The following ARMC9 variants were observed in gnomAD, a reference collection of about 807,000 sequenced individuals.
The protein encoded by ARMC9 is lisH domain-containing protein ARMC9.
In ARMC9, 94 loss-of-function variants were observed where a neutral mutation model predicts 107.0. That is an observed-to-expected ratio of 0.88 (90% CI 0.74 to 1.04). ARMC9 has a LOEUF of 1.04. ARMC9 is among the 50% of genes least tolerant of loss of function. The probability of loss-of-function intolerance (pLI) is 0.00; values close to 1 mark genes in which losing one functional copy is unlikely to be tolerated. For missense variants in ARMC9, 942 were observed against 1,030.1 expected, an observed-to-expected ratio of 0.91 and a Z score of 1.17; for synonymous variants, 380 against 396.9, an observed-to-expected ratio of 0.96 and a Z score of 0.51.
rs35433958 is a variant in ARMC9 at position 231,353,980 on chromosome 2, TACACACAC to T, written c.1995-1789_1995-1782del. 4.5e-3 allele frequency among the ~76,000 whole-genome samples: 609 copies of T among 135,372 alleles called. 5 individuals are homozygous for T. Among genetic ancestry groups the T allele is most frequent in the African/African-American group, 0.017 (535 of 32,048 alleles). 88.8% of individuals were successfully genotyped at this position (135,372 alleles called of 152,430 possible). A position where few individuals can be genotyped will look rare whatever the true frequency, so the allele number is the denominator to read the frequency against. On this transcript the variant is annotated intron_variant, in intron 21 of 24. Transcript: ENST00000611582. ...TAACAATGCAGCATATATGTATATA[TACACACAC>T]ACACACACACACACACACACACACA...
chr2:231,369,752 C>T (rs1031217536), intron 23 of ARMC9, among the ~76,000 whole-genome samples: 4 of 152,022 alleles, frequency 2.6e-5, no homozygotes, highest in African/African-American at 4.8e-5. Context: ...CGCCACCGCG[C>T]CCGGCTAATT....
At chr2:231,344,838 G>A (rs2044720587) in intron 20 of ARMC9, 137 bp from the exon 21 acceptor site, 1 of 913,206 alleles carries the variant, frequency 1.1e-6, no homozygotes, top group Non-Finnish European at 1.7e-6. Context: ...TGAATAATTT[G>A]TGACATGATC....
At chr2:231,222,557 A>T (rs2034251934) in intron 5 of ARMC9, among the ~76,000 whole-genome samples, 171 bp from the exon 6 acceptor site, 1 of 152,116 alleles carries the variant, frequency 6.6e-6, no homozygotes, top group African/African-American at 2.4e-5. Context: ...ATCTTCTGTA[A>T]ATGAGTTGGT....
intron 1 of ARMC9, among the ~76,000 whole-genome samples, chr2:231,205,014 A>T (rs2031747070): frequency 6.6e-6 from 1 of 152,024 alleles, no homozygotes; most frequent in Non-Finnish European, 1.5e-5. Context: ...TAGAAATTGG[A>T]TTGAAGTGGA....
intron 24 of ARMC9, chr2:231,370,971 C>G (rs890558492): frequency 4.4e-6 from 2 of 451,570 alleles, no homozygotes; most frequent in African/African-American, 4.0e-5. Flanking sequence ...GCTGGGGACA[C>G]GCTGGGTTGG....
intron 9 of ARMC9, among the ~76,000 whole-genome samples, chr2:231,247,500 G>A (rs954828809): frequency 5.9e-5 from 9 of 152,178 alleles, no homozygotes; most frequent in Non-Finnish European, 1.5e-5. Context: ...CCACATTGCT[G>A]CCATGTGTCC....
At chr2:231,295,329 A>C (rs2041283255) in intron 18 of ARMC9, 1 of 152,296 alleles carries the variant, frequency 6.6e-6, no homozygotes, top group South Asian at 2.1e-4. Context: ...AGTAAGCAGC[A>C]ATCTTCCAGA....
Position 231,376,168 on chromosome 2 carries a change from C to G in ARMC9, c.*4633C>G, listed in dbSNP as rs2125604796. 6.6e-6 allele frequency among the ~76,000 whole-genome samples: 1 copy of G among 152,224 alleles called. No individual in the cohort carries two copies. Among genetic ancestry groups the G allele is most frequent in the South Asian group, 2.1e-4 (1 of 4,816 alleles). On this transcript the variant is annotated 3_prime_UTR_variant, in exon 25 of 25. Coordinates refer to ENST00000611582, the MANE Select transcript of ARMC9 (RefSeq NM_001352754.2). ...CCCTGTAATAATTGCATTAACTGCA[C>G]AAATTGTACAGCATGTGTGTTTGCG...
At chr2:231,365,009 G>A (rs2045754000) in intron 23 of ARMC9, among the ~76,000 whole-genome samples, 1 of 152,190 alleles carries the variant, frequency 6.6e-6, no homozygotes, top group Non-Finnish European at 1.5e-5. Flanking sequence ...ACGGCTGTTG[G>A]TAAGTGTCAG....
intron 20 of ARMC9, among the ~76,000 whole-genome samples, chr2:231,341,643 TAGA>T (rs2044514671): frequency 1.8e-5 from 2 of 110,696 alleles, no homozygotes; most frequent in African/African-American, 1.6e-4. Flanking sequence ...AGATAGATGA[TAGA>T]TAGATAGATA....
At chr2:231,345,923 A>G (rs1185788828) in intron 21 of ARMC9, among the ~76,000 whole-genome samples, 1 of 152,230 alleles carries the variant, frequency 6.6e-6, no homozygotes, top group Admixed American at 6.5e-5. Context: ...ATTGAGCAAC[A>G]AAACTCAGAA....
At chr2:231,341,647 TAGATAGATAGATAGATA>T (rs2044515592) in intron 20 of ARMC9, among the ~76,000 whole-genome samples, 2 of 121,648 alleles carry the variant, frequency 1.6e-5, no homozygotes, top group African/African-American at 1.4e-4. Flanking sequence ...AGATGATAGA[TAGATAGATAGATAGATA>T]GATAGATAGA....
At chr2:231,213,455 C>G (rs2033138500) in intron 3 of ARMC9, among the ~76,000 whole-genome samples, 1 of 151,444 alleles carries the variant, frequency 6.6e-6, no homozygotes. Context: ...AGCTACCACG[C>G]CCGGCCATGT....
intron 19 of ARMC9, among the ~76,000 whole-genome samples, chr2:231,302,935 C>T (rs183913254): frequency 8.5e-4 from 129 of 152,206 alleles, no homozygotes; most frequent in African/African-American, 2.8e-3. Context: ...ACCCGGGATG[C>T]GGAGATTGCA....
At chr2:231,306,630 C>G (rs1388754307) in intron 19 of ARMC9, among the ~76,000 whole-genome samples, 1 of 152,036 alleles carries the variant, frequency 6.6e-6, no homozygotes, top group East Asian at 1.9e-4. Context: ...AACTTGTATA[C>G]ATCTCGAGAG....
chr2:231,239,073 T>A (rs2036037015), intron 8 of ARMC9, among the ~76,000 whole-genome samples: 1 of 152,180 alleles, frequency 6.6e-6, no homozygotes, highest in Non-Finnish European at 1.5e-5. Context: ...AGGAGACTAT[T>A]TTCAATTATC....
intron 1 of ARMC9, among the ~76,000 whole-genome samples, chr2:231,200,731 A>C (rs986013053): frequency 6.6e-6 from 1 of 151,788 alleles, no homozygotes; most frequent in African/African-American, 2.4e-5. Flanking sequence ...GCTACTTGGG[A>C]GGCTGAGGTG....
chr2:231,230,305 A>G (rs1186026350), intron 7 of ARMC9, among the ~76,000 whole-genome samples: 1 of 151,994 alleles, frequency 6.6e-6, no homozygotes, highest in African/African-American at 2.4e-5. Context: ...GCAGCGAGCT[A>G]TGATCGCACC....
intron 20 of ARMC9, among the ~76,000 whole-genome samples, chr2:231,332,198 T>C (rs957431041): frequency 6.6e-6 from 1 of 152,196 alleles, no homozygotes; most frequent in Non-Finnish European, 1.5e-5. Context: ...ACCATCCCAC[T>C]TTTTAATTTC....
Sources: allele counts gnomAD v4.1 joint callset (sites outside exome capture counted in the v4.1 genomes callset), GRCh38; gene constraint gnomAD v4.1.1; transcripts MANE v1.5; gene names NCBI Gene and HGNC (gene_info 2026-07-23, HGNC 2026-07-21).